RUNDC3B: variants seen among roughly 807,000 people sequenced by gnomAD.
RUNDC3B encodes RUN domain containing 3B, also known as RUN domain-containing protein 3B.
RUNDC3B carries 33 observed loss-of-function variants against 58.4 expected under a neutral mutation model. The ratio of observed to expected loss-of-function variants is 0.56; its 90% CI spans 0.43 to 0.75. The LOEUF is 0.75. Ranked by LOEUF, RUNDC3B falls within the 30% of genes least tolerant of loss-of-function variation. The pLI is 0.00. For synonymous variants in RUNDC3B, 193 were observed against 195.2 expected (o/e 0.99, Z 0.10); for missense variants, 501 against 535.7 (o/e 0.94, Z 0.64).
intron 1 of RUNDC3B, among the ~76,000 whole-genome samples, chr7:87,644,805 A>G (rs1822818328): frequency 6.6e-6 from 1 of 151,964 alleles, no homozygotes; most frequent in South Asian, 2.1e-4. Flanking sequence ...ATTAAAGATG[A>G]ATTTTCACTA....
intron 4 of RUNDC3B, among the ~76,000 whole-genome samples, chr7:87,711,712 C>T (rs1348639442): frequency 6.6e-6 from 1 of 152,122 alleles, no homozygotes; most frequent in African/African-American, 2.4e-5. Flanking sequence ...AATTTAGTTT[C>T]TCAAGTGCTG....
rs1049587239 is a variant in RUNDC3B at position 87,830,107 on chromosome 7, G to T, written c.*77G>T. ...ATGTTTGACTGCTGGGAAGACCTTT[G>T]AAATTTTATATTGTTCTGGTACATG... On this transcript the variant is annotated 3_prime_UTR_variant, in exon 11 of 11. Coordinates refer to ENST00000394654, the MANE Select transcript of RUNDC3B (RefSeq NM_001134405.2). The T allele has an allele frequency of 4.6e-6, 4 of 863,184 alleles. No individual in the cohort carries two copies. In the Admixed American group the frequency reaches 8.4e-5, roughly 18 times the overall value. 53.5% of individuals were successfully genotyped at this position (863,184 alleles called of 1,614,324 possible).
intron 4 of RUNDC3B, among the ~76,000 whole-genome samples, chr7:87,714,986 C>G (rs907889182): frequency 5.3e-5 from 8 of 151,882 alleles, no homozygotes; most frequent in East Asian, 1.9e-4. Context: ...ATACTGCATG[C>G]AATTTTGTAT....
chr7:87,633,861 TG>T (rs755576877), intron 1 of RUNDC3B, among the ~76,000 whole-genome samples: 3 of 152,152 alleles, frequency 2.0e-5, no homozygotes, highest in Non-Finnish European at 4.4e-5. Context: ...TATCCTGTTT[TG>T]TGTTGCTATA....
intron 6 of RUNDC3B, among the ~76,000 whole-genome samples, chr7:87,750,271 T>C (rs932937402): frequency 1.3e-5 from 2 of 152,062 alleles, no homozygotes; most frequent in Admixed American, 1.3e-4. Context: ...CTTAATCCAG[T>C]CTATCATTGT....
chr7:87,827,349 C>T (rs933048293), intron 10 of RUNDC3B, among the ~76,000 whole-genome samples: 2 of 151,704 alleles, frequency 1.3e-5, no homozygotes, highest in Admixed American at 6.6e-5. Flanking sequence ...TAGCCAGGTG[C>T]GGTGGTGGGC....
At chr7:87,716,841 T>C (rs1387210606) in intron 4 of RUNDC3B, among the ~76,000 whole-genome samples, 1 of 152,212 alleles carries the variant, frequency 6.6e-6, no homozygotes, top group African/African-American at 2.4e-5. Context: ...ATATTATTAC[T>C]TCTATGATTT....
chr7:87,724,004 T>G (rs949719294), intron 4 of RUNDC3B, among the ~76,000 whole-genome samples: 1 of 152,106 alleles, frequency 6.6e-6, no homozygotes, highest in Non-Finnish European at 1.5e-5. Context: ...GGAGAACCAT[T>G]TGAGCCCAGG....
intron 6 of RUNDC3B, among the ~76,000 whole-genome samples, chr7:87,754,433 C>G (rs1005024816): frequency 1.3e-5 from 2 of 152,022 alleles, no homozygotes; most frequent in African/African-American, 2.4e-5. Context: ...TGGGACAGAG[C>G]TAAGGCACTG....
chr7:87,677,309 A>ACC (rs1826470427), intron 2 of RUNDC3B, among the ~76,000 whole-genome samples: 1 of 144,310 alleles, frequency 6.9e-6, no homozygotes, highest in East Asian at 2.0e-4. Context: ...ACACACACAC[A>ACC]CCACAATGGA....
At chr7:87,818,588 C>G (rs1022435251) in intron 10 of RUNDC3B, among the ~76,000 whole-genome samples, 7 of 152,150 alleles carry the variant, frequency 4.6e-5, no homozygotes, top group African/African-American at 7.2e-5. Flanking sequence ...TAAAACCACA[C>G]AAAACCCAAG....
chr7:87,747,486 G>A (rs959932525), intron 6 of RUNDC3B, among the ~76,000 whole-genome samples: 1 of 152,174 alleles, frequency 6.6e-6, no homozygotes. Flanking sequence ...GCGCATTCCA[G>A]AGAGCATCAG....
At chr7:87,770,484 T>A in intron 6 of RUNDC3B, 97 bp from the exon 7 acceptor site, 1 of 903,196 alleles carries the variant, frequency 1.1e-6, no homozygotes. Context: ...TACTAAATAT[T>A]TTCGAATTTG....
At chr7:87,773,539 A>C (rs908612446) in intron 7 of RUNDC3B, among the ~76,000 whole-genome samples, 1 of 152,186 alleles carries the variant, frequency 6.6e-6, no homozygotes, top group African/African-American at 2.4e-5. Context: ...TAACACAATT[A>C]ATAAACCTGA....
At chr7:87,794,853 CAA>C (rs1835730860) in intron 8 of RUNDC3B, among the ~76,000 whole-genome samples, 1 of 152,084 alleles carries the variant, frequency 6.6e-6, no homozygotes, top group Non-Finnish European at 1.5e-5. Flanking sequence ...CTATTTTTGA[CAA>C]AGTTGCCAAA....
chr7:87,722,988 C>T (rs757436560), intron 4 of RUNDC3B, among the ~76,000 whole-genome samples: 3 of 152,108 alleles, frequency 2.0e-5, no homozygotes, highest in Non-Finnish European at 4.4e-5. Context: ...GTTGTAGTTC[C>T]ATATTGTTTT....
chr7:87,816,433 G>C (rs10235853), intron 10 of RUNDC3B, among the ~76,000 whole-genome samples, 171 bp downstream of exon 10: 1 of 151,332 alleles, frequency 6.6e-6, no homozygotes, highest in East Asian at 1.9e-4. Context: ...TGTGTGTGTG[G>C]GGGGGGCTAA....
In RUNDC3B at chr7:87,763,203, T is replaced by C. The variant is rs116485611; in HGVS notation, c.630-7378T>C. Among the ~76,000 whole-genome samples, 689 of 151,794 alleles carry C rather than the reference T, an allele frequency of 4.5e-3. 5 individuals are homozygous for C. Among genetic ancestry groups the C allele is most frequent in the African/African-American group, 0.016 (656 of 41,526 alleles). ...AAGTAAATGAGAATCTTGCATTGCT[T>C]TGCCTCTAAATTTTTCCTTTTTGAC... On this transcript the variant is annotated intron_variant, in intron 6 of 10. Transcript: ENST00000394654.
At chr7:87,677,270 A>G (rs1345214897) in intron 2 of RUNDC3B, among the ~76,000 whole-genome samples, 2 of 144,886 alleles carry the variant, frequency 1.4e-5, no homozygotes, top group Non-Finnish European at 3.0e-5. Flanking sequence ...ACTACAGTGT[A>G]TATAACACAC....
Sources: allele counts gnomAD v4.1 joint callset (sites outside exome capture counted in the v4.1 genomes callset), GRCh38; gene constraint gnomAD v4.1.1; transcripts MANE v1.5; gene names NCBI Gene and HGNC (gene_info 2026-07-23, HGNC 2026-07-21).